The following ZNF804A variants were observed in gnomAD, a reference collection of about 807,000 sequenced individuals.
ZNF804A encodes zinc finger protein 804A.
ZNF804A carries 2 observed loss-of-function variants against 16.5 expected under a neutral mutation model. The observed-to-expected ratio is 0.12, with a 90% CI of 0.05 to 0.38. The LOEUF (loss-of-function observed/expected upper bound fraction) is 0.38, where lower values mean the gene tolerates loss of function less well. Ranked by LOEUF, ZNF804A falls within the 10% of genes least tolerant of loss-of-function variation. ZNF804A has a pLI of 0.99. For missense variants in ZNF804A, 1,473 were observed against 1,390.7 expected (o/e 1.06, Z -0.94); for synonymous variants, 534 against 489.6 (o/e 1.09, Z -1.20).
chr2:184,917,342 C>T (rs996078166), intron 2 of ZNF804A, among the ~76,000 whole-genome samples: 8 of 152,160 alleles, frequency 5.3e-5, no homozygotes, highest in African/African-American at 1.9e-4. Flanking sequence ...GTAATGTTCA[C>T]TTTTCTCCTT....
At chr2:184,880,915 A>G (rs1684800393) in intron 2 of ZNF804A, among the ~76,000 whole-genome samples, 1 of 152,100 alleles carries the variant, frequency 6.6e-6, no homozygotes, top group Non-Finnish European at 1.5e-5. Context: ...TTAAAATGAC[A>G]ATTAAATTTC....
intron 1 of ZNF804A, among the ~76,000 whole-genome samples, chr2:184,703,094 G>C (rs1388816879): frequency 1.3e-5 from 2 of 152,054 alleles, no homozygotes; most frequent in Non-Finnish European, 2.9e-5. Context: ...AACCATTACA[G>C]CTTCTACAAC....
At chr2:184,610,049 G>A (rs1559107260) in intron 1 of ZNF804A, among the ~76,000 whole-genome samples, 1 of 152,126 alleles carries the variant, frequency 6.6e-6, no homozygotes, top group Non-Finnish European at 1.5e-5. Context: ...TTCATTCATA[G>A]GTTGATAGAT....
At chr2:184,624,435 G>A (rs1240737217) in intron 1 of ZNF804A, among the ~76,000 whole-genome samples, 1 of 152,108 alleles carries the variant, frequency 6.6e-6, no homozygotes. Flanking sequence ...CCATGTTTAT[G>A]CACATGCATG....
chr2:184,935,923 A>T lies in ZNF804A; in HGVS notation c.527A>T (p.Asn176Ile). 1.2e-6 allele frequency: 2 copies of T among 1,613,986 alleles called. No homozygotes were observed. The highest frequency in any genetic ancestry group is 1.7e-6 in the Non-Finnish European group (2 of 1,179,926). Residue 176 changes from asparagine to isoleucine, a missense_variant, in exon 4 of 4, where the codon AAT (asparagine) becomes ATT (isoleucine). Physicochemically the swap from Asn to Ile is moderately radical, Grantham distance 149 (BLOSUM62 -3). Coordinates refer to ENST00000302277, the MANE Select transcript of ZNF804A (RefSeq NM_194250.2). ...TATACTTTGATTCATAGTGAAGAGA[A>T]TACTAAAGATGCTACCACTGTTGCT... Reference protein sequence around the residue: ...FKYTLIHSEENTKDATTVAED... With the variant: ...FKYTLIHSEEITKDATTVAED...
chr2:184,900,087 G>A (rs1439768658), intron 2 of ZNF804A, among the ~76,000 whole-genome samples: 1 of 152,002 alleles, frequency 6.6e-6, no homozygotes, highest in African/African-American at 2.4e-5. Context: ...TTTTACATGA[G>A]AGAAAATGGC....
At chr2:184,848,407 T>G (rs1031033696) in intron 1 of ZNF804A, among the ~76,000 whole-genome samples, 2 of 152,062 alleles carry the variant, frequency 1.3e-5, no homozygotes, top group African/African-American at 4.8e-5. Flanking sequence ...CCAAAGGTAT[T>G]CTATCACTGT....
rs1695234260 is a variant in ZNF804A at position 184,829,924 on chromosome 2, AAAAAC to A, written c.112-36440_112-36436del. On this transcript the variant is annotated intron_variant, in intron 1 of 3. Transcript: ENST00000302277. Reference sequence around the variant, plus strand: ...CAAAAAAAAAAAAAAAAAAAAAAACAAAAACAAAAAAAAAAAAACCACACACACAC... The same window carrying A: ...CAAAAAAAAAAAAAAAAAAAAAAACAAAAAAAAAAAAAACCACACACACAC... Among the ~76,000 whole-genome samples, 75 of 84,200 alleles carry A rather than the reference AAAAAC, an allele frequency of 8.9e-4. 3 individuals are homozygous for A. The highest frequency in any genetic ancestry group is 2.2e-3 in the African/African-American group (25 of 11,544). 55.2% of individuals were successfully genotyped at this position (84,200 alleles called of 152,430 possible).
Position 184,607,936 on chromosome 2 carries a change from CTTTTTTTTTTTTT to C in ZNF804A, c.111+8881_111+8893del, listed in dbSNP as rs34262998. Among the ~76,000 whole-genome samples the C allele has an allele frequency of 6.3e-3, 412 of 65,684 alleles. 23 individuals are homozygous for C. The highest frequency in any genetic ancestry group is 3.9e-3 in the East Asian group (8 of 2,066). 43.1% of individuals were successfully genotyped at this position (65,684 alleles called of 152,430 possible). ...CACCATGGAGAACCTTGATGCATCT[CTTTTTTTTTTTTT>C]TTTTTTTTTTTTTTGAGACGGAGTC... is the stretch of plus-strand genomic sequence containing the variant. On this transcript the variant is annotated intron_variant, in intron 1 of 3. Transcript: ENST00000302277.
chr2:184,745,970 A>G lies in ZNF804A; in HGVS notation c.112-120399A>G, dbSNP rs111654316. Among the ~76,000 whole-genome samples, 1,442 of 151,808 alleles carry G rather than the reference A, an allele frequency of 9.5e-3. 11 individuals are homozygous for G. Among genetic ancestry groups the G allele is most frequent in the Non-Finnish European group, 0.015 (1,020 of 67,728 alleles). On this transcript the variant is annotated intron_variant, in intron 1 of 3. Transcript: ENST00000302277. ...ATACAATAAAATTTGACATTATTAA[A>G]TAAAAGTTTTGTTCCTATACTTTTT...
At chr2:184,935,654 G>A (rs909110340) in intron 3 of ZNF804A, 129 bp from the exon 4 acceptor site, 1 of 1,067,718 alleles carries the variant, frequency 9.4e-7, no homozygotes, top group African/African-American at 1.6e-5. Context: ...ACCATATGAA[G>A]GCAATTCTGT....
intron 1 of ZNF804A, among the ~76,000 whole-genome samples, chr2:184,796,215 G>T (rs748973574): frequency 1.3e-5 from 2 of 152,082 alleles, no homozygotes; most frequent in Non-Finnish European, 2.9e-5. Flanking sequence ...TTGGTATTAG[G>T]GTGATACTGA....
rs528535536 is a variant in ZNF804A, at chr2:184,654,150, C to A, written c.111+55080C>A. 4.6e-5 allele frequency among the ~76,000 whole-genome samples: 7 copies of A among 152,328 alleles called. No homozygotes were observed. The South Asian group carries it at 6.2e-4, about 14-fold the overall frequency. On this transcript the variant is annotated intron_variant, in intron 1 of 3. Coordinates refer to ENST00000302277, the MANE Select transcript of ZNF804A (RefSeq NM_194250.2). The stretch of plus-strand genomic sequence containing the variant: ...CAAGATACACAGATAAAAACAGATA[C>A]AGCCTATATCTTCAGCTTTTGCTAT...
intron 1 of ZNF804A, among the ~76,000 whole-genome samples, chr2:184,796,712 T>A (rs1321958599): frequency 2.0e-5 from 3 of 152,062 alleles, no homozygotes; most frequent in South Asian, 4.1e-4. Flanking sequence ...TTGAGGTGTG[T>A]CCTTAGAATG....
At chr2:184,688,344 CTGTGTG>C (rs58942655) in intron 1 of ZNF804A, among the ~76,000 whole-genome samples, 7 of 147,262 alleles carry the variant, frequency 4.8e-5, no homozygotes, top group South Asian at 4.3e-4. Flanking sequence ...CTCTCTCTTT[CTGTGTG>C]TGTGTGTGTG....
intron 2 of ZNF804A, among the ~76,000 whole-genome samples, chr2:184,881,974 C>G (rs936065927): frequency 2.6e-5 from 4 of 151,846 alleles, no homozygotes; most frequent in African/African-American, 9.7e-5. Context: ...GTTAAATGCC[C>G]CAATTAAAAG....
chr2:184,725,534 A>G (rs568924628), intron 1 of ZNF804A, among the ~76,000 whole-genome samples: 1 of 151,814 alleles, frequency 6.6e-6, no homozygotes, highest in African/African-American at 2.4e-5. Context: ...GAATATTTAT[A>G]GACTCACAGA....
At chr2:184,904,053 T>C (rs1181780149) in intron 2 of ZNF804A, among the ~76,000 whole-genome samples, 2 of 152,038 alleles carry the variant, frequency 1.3e-5, no homozygotes, top group Non-Finnish European at 2.9e-5. Context: ...ATATAAAAAT[T>C]AGTTGTGTTT....
intron 1 of ZNF804A, 133 bp from the exon 2 acceptor site, chr2:184,866,236 G>C: frequency 1.5e-6 from 1 of 684,554 alleles, no homozygotes; most frequent in Non-Finnish European, 2.3e-6. Context: ...TGGTTTTCTA[G>C]TATTTGCTTT....
Sources: gnomAD v4.1 joint callset for allele counts (sites outside exome capture counted in the v4.1 genomes callset) on GRCh38, gnomAD v4.1.1 for gene constraint, MANE v1.5 for transcripts, NCBI Gene and HGNC (gene_info 2026-07-23, HGNC 2026-07-21) for gene names.